ZDHHC14: variants seen among roughly 807,000 people sequenced by gnomAD.
The protein encoded by ZDHHC14 is palmitoyltransferase ZDHHC14.
In ZDHHC14, 16 loss-of-function variants were observed where a neutral mutation model predicts 47.7. The observed-to-expected ratio is 0.34, with a 90% CI of 0.23 to 0.51. ZDHHC14 has a LOEUF of 0.51. ZDHHC14 is among the 20% of genes least tolerant of loss of function. ZDHHC14 has a pLI of 0.97. For synonymous variants in ZDHHC14, 293 were observed against 278.9 expected (o/e 1.05, Z -0.50); for missense variants, 515 against 662.5 (o/e 0.78, Z 2.44).
At chr6:157,572,196 G>A (rs994781715) in intron 2 of ZDHHC14, among the ~76,000 whole-genome samples, 4 of 152,030 alleles carry the variant, frequency 2.6e-5, no homozygotes, top group Non-Finnish European at 1.5e-5. Context: ...GGGCTGTCCT[G>A]CACATTGTAG....
chr6:157,672,760 G>A lies in ZDHHC14; in HGVS notation c.1105G>A (p.Val369Ile), dbSNP rs768141598. 13 of 1,612,440 alleles carry A rather than the reference G, an allele frequency of 8.1e-6. No individual in the cohort carries two copies. The highest frequency in any genetic ancestry group is 1.1e-5 in the South Asian group (1 of 91,020). Reference sequence around the variant, plus strand: ...CCAGTGCATTCAGAGCACCAAATTCGTTTTGCAGGCTGCAGCCACGCCCCT... The same window carrying A: ...CCAGTGCATTCAGAGCACCAAATTCATTTTGCAGGCTGCAGCCACGCCCCT... Reference protein sequence around the residue: ...QDQCIQSTKFVLQAAATPLLQ... With the variant: ...QDQCIQSTKFILQAAATPLLQ... The change falls in exon 9 of 9, where the codon GTT (valine) becomes ATT (isoleucine). Residue 369 changes from valine to isoleucine, a missense_variant. Physicochemically the swap from Val to Ile is conservative, Grantham distance 29 (BLOSUM62 3). This residue lies in a region of ZDHHC14 where 221 missense variants were observed against 233.6 expected (regional missense o/e 0.95). Transcript: ENST00000359775.
chr6:157,600,868 G>A (rs1028336467), intron 3 of ZDHHC14, among the ~76,000 whole-genome samples: 3 of 152,214 alleles, frequency 2.0e-5, no homozygotes, highest in Non-Finnish European at 4.4e-5. Flanking sequence ...TGTCATAAAA[G>A]GTGACTAATC....
At chr6:157,670,757 G>A (rs1160188009) in intron 8 of ZDHHC14, among the ~76,000 whole-genome samples, 10 of 151,890 alleles carry the variant, frequency 6.6e-5, no homozygotes, top group African/African-American at 2.2e-4. Context: ...AAGGATCTTC[G>A]TGAGACTTGC....
chr6:157,484,894 T>C (rs957086830), intron 1 of ZDHHC14, among the ~76,000 whole-genome samples: 1 of 152,088 alleles, frequency 6.6e-6, no homozygotes, highest in African/African-American at 2.4e-5. Context: ...TTAAAAATAA[T>C]AGCGACCAGC....
intron 5 of ZDHHC14, among the ~76,000 whole-genome samples, chr6:157,642,311 CAG>C (rs1430044752): frequency 1.3e-5 from 2 of 152,200 alleles, no homozygotes; most frequent in African/African-American, 4.8e-5. Context: ...CTGCTGCAAA[CAG>C]AGCCCCTATT....
intron 1 of ZDHHC14, among the ~76,000 whole-genome samples, chr6:157,439,804 A>G (rs752674723): frequency 5.3e-5 from 8 of 152,236 alleles, no homozygotes; most frequent in African/African-American, 9.6e-5. Context: ...TGTGGTGCAT[A>G]TATACCATGG....
chr6:157,484,479 T>TACAC (rs1291460493), intron 1 of ZDHHC14, among the ~76,000 whole-genome samples: 2 of 132,878 alleles, frequency 1.5e-5, no homozygotes, highest in South Asian at 2.2e-4. Flanking sequence ...TATATTTATA[T>TACAC]ATACACACAC....
intron 1 of ZDHHC14, among the ~76,000 whole-genome samples, chr6:157,420,912 C>A (rs1778087154): frequency 6.6e-6 from 1 of 152,162 alleles, no homozygotes; most frequent in Non-Finnish European, 1.5e-5. Context: ...GAGCAGCCGT[C>A]CTGATCTTCA....
intron 1 of ZDHHC14, among the ~76,000 whole-genome samples, chr6:157,400,853 G>T (rs571849874): frequency 3.3e-5 from 5 of 152,168 alleles, no homozygotes; most frequent in African/African-American, 1.2e-4. Flanking sequence ...AGTGAGTGCC[G>T]GGCTCCCTGT....
Position 157,484,379 on chromosome 6 carries a change from C to CACATATATACGTATATAT in ZDHHC14, c.246-58196_246-58179dup, listed in dbSNP as rs1779720929. ...ACACACATATATACGTATATATACA[C>CACATATATACGTATATAT]ACATATATACGTATATATACATATA... On this transcript the variant is annotated intron_variant, in intron 1 of 8. Transcript: ENST00000359775. Among the ~76,000 whole-genome samples the CACATATATACGTATATAT allele has an allele frequency of 2.8e-5, 4 of 143,126 alleles. No individual in the cohort carries two copies. In the Admixed American group the frequency reaches 2.8e-4, roughly 10 times the overall value. 93.9% of individuals were successfully genotyped at this position (143,126 alleles called of 152,430 possible).
At chr6:157,603,934 A>G (rs995202837) in intron 3 of ZDHHC14, among the ~76,000 whole-genome samples, 12 of 152,208 alleles carry the variant, frequency 7.9e-5, no homozygotes, top group African/African-American at 2.2e-4. Context: ...AGAGGGAGAG[A>G]AGTGAATACA....
At chr6:157,649,103 T>C (rs1777697089) in intron 7 of ZDHHC14, among the ~76,000 whole-genome samples, 1 of 152,194 alleles carries the variant, frequency 6.6e-6, no homozygotes. Context: ...CCAAAATCCA[T>C]GTTCCTTTGG....
At chr6:157,451,020 G>A (rs1438489846) in intron 1 of ZDHHC14, among the ~76,000 whole-genome samples, 1 of 152,064 alleles carries the variant, frequency 6.6e-6, no homozygotes, top group Admixed American at 6.6e-5. Context: ...GTGTGTGTGT[G>A]TGTGTGTGTG....
chr6:157,548,284 G>T lies in ZDHHC14; in HGVS notation c.406+5539G>T, dbSNP rs537326479. Among the ~76,000 whole-genome samples, 232 of 151,882 alleles carry T rather than the reference G, an allele frequency of 1.5e-3. 1 individual carries two copies. The highest frequency in any genetic ancestry group is 5.2e-3 in the African/African-American group (217 of 41,428). Reference sequence around the variant, plus strand: ...TTCATGCTTTGTGTCGTTTTTATTTGCAGTGGCCCTTTCAGCCTCTCACGC... The same window carrying T: ...TTCATGCTTTGTGTCGTTTTTATTTTCAGTGGCCCTTTCAGCCTCTCACGC... On this transcript the variant is annotated intron_variant, in intron 2 of 8. Coordinates refer to ENST00000359775, the MANE Select transcript of ZDHHC14 (RefSeq NM_024630.3).
At chr6:157,544,429 CCT>C (rs1781887400) in intron 2 of ZDHHC14, among the ~76,000 whole-genome samples, 1 of 152,158 alleles carries the variant, frequency 6.6e-6, no homozygotes, top group Non-Finnish European at 1.5e-5. Flanking sequence ...GGGAGGATCA[CCT>C]GAGGTCAGGA....
rs544914414 is a variant in ZDHHC14, at chr6:157,647,977, T to C, written c.965+609T>C. On this transcript the variant is annotated intron_variant, in intron 7 of 8. Transcript: ENST00000359775. The stretch of plus-strand genomic sequence containing the variant: ...GTAGGCACCGTTATATCCCATTCTA[T>C]GGATGAGGAAAGTGAGGCACAGAGT... Among the ~76,000 whole-genome samples the C allele has an allele frequency of 2.7e-4, 41 of 152,290 alleles. 1 individual carries two copies. In the South Asian group the frequency reaches 7.5e-3, roughly 28 times the overall value.
chr6:157,385,940 C>T (rs1028128050), intron 1 of ZDHHC14, among the ~76,000 whole-genome samples: 1 of 152,246 alleles, frequency 6.6e-6, no homozygotes, highest in East Asian at 1.9e-4. Flanking sequence ...TAATAATAAT[C>T]TACCTTTAAA....
intron 1 of ZDHHC14, among the ~76,000 whole-genome samples, chr6:157,431,867 C>T (rs1372386606): frequency 6.6e-6 from 1 of 151,834 alleles, no homozygotes; most frequent in Non-Finnish European, 1.5e-5. Context: ...TAGCTGGGAC[C>T]ACAAGTGTGC....
intron 7 of ZDHHC14, among the ~76,000 whole-genome samples, chr6:157,649,221 C>T (rs1346437391): frequency 2.0e-5 from 3 of 152,166 alleles, no homozygotes; most frequent in Non-Finnish European, 2.9e-5. Context: ...GAACAGACGG[C>T]GATTCATGAA....
Sources: gnomAD v4.1 joint callset for allele counts (sites outside exome capture counted in the v4.1 genomes callset) on GRCh38, gnomAD v4.1.1 for gene constraint, gnomAD v4.1.1 regional missense constraint, MANE v1.5 for transcripts, NCBI Gene and HGNC (gene_info 2026-07-23, HGNC 2026-07-21) for gene names.